Variants in RUSC2 observed in about 807,000 individuals in gnomAD.
The protein encoded by RUSC2 is AP-4 complex accessory subunit RUSC2.
Under a neutral mutation model 122.2 loss-of-function variants are expected in RUSC2, and 34 were observed. The ratio of observed to expected loss-of-function variants is 0.28; its 90% confidence interval spans 0.21 to 0.37. RUSC2 has a LOEUF of 0.37. RUSC2 is among the 10% of genes least tolerant of loss of function. The pLI is 1.00. For missense variants in RUSC2, 1,747 were observed against 1,952.4 expected (o/e 0.89, Z 1.98); for synonymous variants, 784 against 790.0 (o/e 0.99, Z 0.13).
At position 35,555,737 on chromosome 9, in the gene RUSC2, C is replaced by T; in HGVS notation, c.2656+36C>T. ...CAGCATCTCCCTACCCAACCCGCCA[C>T]CTCACGCAAGCACTTCCACCACCTC... On this transcript the variant is annotated intron_variant, in intron 3 of 11. Transcript: ENST00000361226. This position sits in a 1 kb window ranked among gnomAD's most constrained non-coding sequence, Gnocchi z 4.6. The T allele has an allele frequency of 6.4e-7, 1 of 1,560,820 alleles. No homozygotes were observed. The highest frequency in any genetic ancestry group is 8.6e-7 in the Non-Finnish European group (1 of 1,165,978).
intron 1 of RUSC2, among the ~76,000 whole-genome samples, chr9:35,494,758 AGT>A (rs1377075400): frequency 2.0e-5 from 3 of 151,410 alleles, no homozygotes; most frequent in African/African-American, 7.3e-5. Context: ...CTCTGTTAAA[AGT>A]GTCCTTTGAT....
At chr9:35,507,666 G>C (rs1820940283) in intron 1 of RUSC2, 1 of 231,636 alleles carries the variant, frequency 4.3e-6, no homozygotes, top group African/African-American at 2.3e-5. Context: ...TTCTCTGTGT[G>C]TCTAGGGAAA....
At chr9:35,522,421 C>G (rs1821233724) in intron 1 of RUSC2, among the ~76,000 whole-genome samples, 1 of 152,224 alleles carries the variant, frequency 6.6e-6, no homozygotes, top group African/African-American at 2.4e-5. Context: ...TAGGCCTCCT[C>G]TGCTTCAACC....
chr9:35,538,256 G>A (rs568140060), intron 1 of RUSC2, among the ~76,000 whole-genome samples: 13 of 152,166 alleles, frequency 8.5e-5, no homozygotes, highest in African/African-American at 2.9e-4. Flanking sequence ...ATTGAATACC[G>A]TGTTAGGAAG....
intron 9 of RUSC2, among the ~76,000 whole-genome samples, 185 bp from the exon 10 acceptor site, chr9:35,559,843 TG>T (rs1284353321): frequency 6.6e-6 from 1 of 152,198 alleles, no homozygotes; most frequent in Admixed American, 6.5e-5. Flanking sequence ...GGCCACCGCC[TG>T]GGGTTGGAGA....
At chr9:35,526,572 C>T (rs1327048676) in intron 1 of RUSC2, among the ~76,000 whole-genome samples, 1 of 152,222 alleles carries the variant, frequency 6.6e-6, no homozygotes, top group Non-Finnish European at 1.5e-5. Context: ...ACACAACACT[C>T]AAACAGATAT....
chr9:35,548,016 T>C lies in RUSC2; in HGVS notation c.1495T>C (p.Tyr499His). 1 of 1,613,958 alleles carries C rather than the reference T, an allele frequency of 6.2e-7. No individual in the cohort carries two copies. The highest frequency in any genetic ancestry group is 8.5e-7 in the Non-Finnish European group (1 of 1,180,044). Residue 499 changes from tyrosine (Y) to histidine (H), a missense_variant, in exon 2 of 12, where the codon TAT (tyrosine) becomes CAT (histidine). Physicochemically the swap from Tyr to His is moderately conservative, Grantham distance 83. Transcript: ENST00000361226. The surrounding 1 kb of genome is among the most constrained non-coding windows in gnomAD (Gnocchi z 4.5). ...LSTGRQRSRS[Y>H]DRSLQRSPPV... Reference sequence around the variant, plus strand: ...CACTGGACGTCAGCGCTCCCGCAGCTATGATCGCAGCCTGCAGCGCAGCCC... The same window carrying C: ...CACTGGACGTCAGCGCTCCCGCAGCCATGATCGCAGCCTGCAGCGCAGCCC...
At chr9:35,516,726 G>A (rs1486786341) in intron 1 of RUSC2, among the ~76,000 whole-genome samples, 1 of 152,176 alleles carries the variant, frequency 6.6e-6, no homozygotes, top group Admixed American at 6.5e-5. Context: ...AGGCCCACCA[G>A]GGTCAGAATT....
chr9:35,503,265 G>A (rs1036621860), intron 1 of RUSC2, among the ~76,000 whole-genome samples: 2 of 151,962 alleles, frequency 1.3e-5, no homozygotes, highest in African/African-American at 2.4e-5. Context: ...CACCACCCCC[G>A]CCGTTACTCC....
intron 1 of RUSC2, among the ~76,000 whole-genome samples, chr9:35,524,203 A>G (rs1199491808): frequency 2.0e-5 from 3 of 151,938 alleles, no homozygotes; most frequent in African/African-American, 7.3e-5. Flanking sequence ...CATGCCTGTA[A>G]TCCCAGCACC....
At position 35,560,986 on chromosome 9, in the gene RUSC2, A is replaced by G. The variant is rs764275475; in HGVS notation, c.4238A>G (p.Asp1413Gly). ...CTCCCCTCGGACTGGCTGAGCCTGG[A>G]CAAGTCCATGTTCCAACTAGTGGCG... is the stretch of plus-strand genomic sequence containing the variant. ...NRLPSDWLSLDKSMFQLVAQT... is the reference protein window; with the variant it reads ...NRLPSDWLSLGKSMFQLVAQT... Residue 1413 changes from aspartate to glycine, a missense_variant, in exon 11 of 12, where the codon GAC becomes GGC. Coordinates refer to ENST00000361226, the MANE Select transcript of RUSC2 (RefSeq NM_014806.5). 2.5e-5 allele frequency: 41 copies of G among 1,614,104 alleles called. No homozygotes were observed. Among genetic ancestry groups the G allele is most frequent in the Non-Finnish European group, 3.4e-5 (40 of 1,180,040 alleles).
intron 1 of RUSC2, among the ~76,000 whole-genome samples, chr9:35,491,070 A>C (rs1252634505): frequency 6.6e-6 from 1 of 151,592 alleles, no homozygotes; most frequent in Non-Finnish European, 1.5e-5. Flanking sequence ...CTATGTGAAC[A>C]GTGTCCGTGA....
rs1821743427 is a variant in RUSC2 at position 35,546,322 on chromosome 9, C to T, written c.-92-108C>T. The T allele has an allele frequency of 2.6e-6, 1 of 391,644 alleles. No individual in the cohort carries two copies. Among genetic ancestry groups the T allele is most frequent in the Non-Finnish European group, 4.5e-6 (1 of 223,722 alleles). The allele number at this position is 391,644 out of a possible 1,614,324, so 24.3% of individuals were successfully genotyped here. On this transcript the variant is annotated intron_variant, in intron 1 of 11. Coordinates refer to ENST00000361226, the MANE Select transcript of RUSC2 (RefSeq NM_014806.5). This position sits in a 1 kb window ranked among gnomAD's most constrained non-coding sequence, Gnocchi z 4.3. Reference sequence around the variant, plus strand: ...GGTCAAGCTCCATCTTGACTCAAGCCTTTTCTCTTCCTGGGCTCTTCTCCA... The same window carrying T: ...GGTCAAGCTCCATCTTGACTCAAGCTTTTTCTCTTCCTGGGCTCTTCTCCA...
chr9:35,498,858 A>C (rs890997651), intron 1 of RUSC2, among the ~76,000 whole-genome samples: 6 of 151,460 alleles, frequency 4.0e-5, no homozygotes, highest in Non-Finnish European at 7.4e-5. Context: ...AAAAAAAAAC[A>C]AAAAAAGAAA....
At chr9:35,533,137 C>A (rs1183745018) in intron 1 of RUSC2, among the ~76,000 whole-genome samples, 1 of 151,990 alleles carries the variant, frequency 6.6e-6, no homozygotes, top group Non-Finnish European at 1.5e-5. Context: ...ATCCCAGCTA[C>A]TCGAGAGGCT....
In RUSC2 at chr9:35,560,749, C is replaced by A; in HGVS notation, c.4109C>A (p.Ala1370Glu). ...REREGPAASP[A>E]ENEEGASEPS... ...AGGGAAGGGCCCGCTGCCTCGCCAG[C>A]AGAAAATGAGGAAGGGGCCTCAGAG... The change falls in exon 10 of 12, where the codon GCA (alanine) becomes GAA (glutamate). Residue 1370 changes from alanine (A) to glutamate (E), a missense_variant. Physicochemically the swap from Ala to Glu is moderately radical, Grantham distance 107 (BLOSUM62 -1). Coordinates refer to ENST00000361226, the MANE Select transcript of RUSC2 (RefSeq NM_014806.5). The A allele has an allele frequency of 6.5e-7, 1 of 1,541,256 alleles. No individual in the cohort carries two copies. The highest frequency in any genetic ancestry group is 1.3e-5 in the South Asian group (1 of 78,946).
Position 35,560,493 on chromosome 9 carries a change from T to A in RUSC2, c.3853T>A (p.Ser1285Thr), listed in dbSNP as rs1341436414. 1 of 1,614,124 alleles carries A rather than the reference T, an allele frequency of 6.2e-7. No individual in the cohort carries two copies. Among genetic ancestry groups the A allele is most frequent in the South Asian group, 1.1e-5 (1 of 91,084 alleles). Reference protein sequence around the residue: ...MQSSQVYIDGSIEGSRFPRGS... With the variant: ...MQSSQVYIDGTIEGSRFPRGS... ...GAGCTCCCAGGTCTACATCGATGGC[T>A]CCATTGAGGGTTCCAGGTTCCCTCG... The change falls in exon 10 of 12, where the codon TCC (serine) becomes ACC (threonine). Residue 1285 changes from serine (S) to threonine (T), a missense_variant. Coordinates refer to ENST00000361226, the MANE Select transcript of RUSC2 (RefSeq NM_014806.5).
chr9:35,495,005 AT>A, intron 1 of RUSC2, among the ~76,000 whole-genome samples: 1 of 112,038 alleles, frequency 8.9e-6, no homozygotes, highest in African/African-American at 3.4e-5. Context: ...TATATTATAT[AT>A]ACTACAGTAT....
intron 2 of RUSC2, among the ~76,000 whole-genome samples, chr9:35,550,095 C>A (rs1158673038): frequency 1.3e-5 from 2 of 151,556 alleles, no homozygotes; most frequent in East Asian, 3.9e-4. Flanking sequence ...GCCTGTAATC[C>A]CAGCTACTCT....
Sources: gnomAD v4.1 joint callset for allele counts (sites outside exome capture counted in the v4.1 genomes callset) on GRCh38, gnomAD v4.1.1 for gene constraint, Gnocchi (gnomAD v3.1) non-coding constraint, MANE v1.5 for transcripts, NCBI Gene and HGNC (gene_info 2026-07-23, HGNC 2026-07-21) for gene names.